Variants in SETX observed in about 807,000 individuals in gnomAD.
SETX encodes the protein helicase senataxin.
In SETX, 90 loss-of-function variants were observed where a neutral mutation model predicts 227.2. That is an observed-to-expected ratio of 0.40 (90% CI 0.33 to 0.47). SETX has a LOEUF of 0.47. SETX is among the 20% of genes least tolerant of loss of function. The probability of loss-of-function intolerance (pLI) is 0.91; values close to 1 mark genes in which losing one functional copy is unlikely to be tolerated. For missense variants in SETX, 3,052 were observed against 3,181.5 expected (o/e 0.96, Z 0.98); for synonymous variants, 1,210 against 1,113.2 (o/e 1.09, Z -1.73).
chr9:132,296,760 C>G (rs904278020), intron 14 of SETX, 127 bp downstream of exon 14: 11 of 893,146 alleles, frequency 1.2e-5, no homozygotes, highest in Non-Finnish European at 1.9e-5. Context: ...CAGTTACACA[C>G]AATATAAAAA....
At position 132,327,191 on chromosome 9, in the gene SETX, A is replaced by G; in HGVS notation, c.4407T>C (p.Asp1469=). 6.2e-7 allele frequency: 1 copy of G among 1,614,128 alleles called. No individual in the cohort carries two copies. Among genetic ancestry groups the G allele is most frequent in the African/African-American group, 1.3e-5 (1 of 75,012 alleles). ...STSEDPLGGG[D]PTARHIEMAA... is the part of the protein sequence containing the mutation. The stretch of plus-strand genomic sequence containing the variant: ...CCATCTCTATATGACGTGCTGTTGG[A>G]TCACCTCCACCCAGAGGGTCTTCTG... The change falls in exon 10 of 26, where the codon GAT becomes GAC. Residue 1469 remains aspartate (D), a synonymous_variant. Coordinates refer to ENST00000224140, the MANE Select transcript of SETX (RefSeq NM_015046.7).
At chr9:132,335,995 A>C (rs1182556763) in intron 6 of SETX, among the ~76,000 whole-genome samples, 1 of 152,176 alleles carries the variant, frequency 6.6e-6, no homozygotes. Flanking sequence ...TAATCCCAGC[A>C]CTTTAGGAGG....
intron 11 of SETX, 45 bp from the exon 12 acceptor site, chr9:132,300,848 TTATTTTAAA>T: frequency 6.6e-7 from 1 of 1,509,358 alleles, no homozygotes. Flanking sequence ...TCTAATAGAA[TTATTTTAAA>T]TAAGATTAAC....
intron 18 of SETX, among the ~76,000 whole-genome samples, chr9:132,285,034 A>G (rs1373577879): frequency 6.6e-6 from 1 of 151,974 alleles, no homozygotes; most frequent in Non-Finnish European, 1.5e-5. Flanking sequence ...GCCCACCACC[A>G]CGCCCAGCTA....
rs1342534294 is a variant in SETX, at chr9:132,342,584, T to G, written c.498+106A>C. 7.6e-6 allele frequency: 7 copies of G among 925,088 alleles called. No individual in the cohort carries two copies. The Admixed American group carries it at 1.0e-4, about 13-fold the overall frequency. 57.3% of individuals were successfully genotyped at this position (925,088 alleles called of 1,614,324 possible). A position where few individuals can be genotyped will look rare whatever the true frequency, so the allele number is the denominator to read the frequency against. Reference sequence around the variant, plus strand: ...GTAGTAAATTTTAAAGCAAGAAAAATTTTAGCAAACATTTTAAACAAAATC... The same window carrying G: ...GTAGTAAATTTTAAAGCAAGAAAAAGTTTAGCAAACATTTTAAACAAAATC... On this transcript the variant is annotated intron_variant, in intron 5 of 25. Coordinates refer to ENST00000224140, the MANE Select transcript of SETX (RefSeq NM_015046.7).
intron 22 of SETX, 108 bp from the exon 23 acceptor site, chr9:132,275,528 G>T: frequency 3.3e-6 from 3 of 905,576 alleles, no homozygotes; most frequent in Non-Finnish European, 5.1e-6. Flanking sequence ...AGGGCAGGCA[G>T]ATAGGCTTCA....
chr9:132,321,853 A>G (rs1411381169), intron 10 of SETX, among the ~76,000 whole-genome samples: 2 of 152,022 alleles, frequency 1.3e-5, no homozygotes, highest in African/African-American at 4.8e-5. Context: ...GTCTGAAGAA[A>G]AAAGAAAAAG....
chr9:132,345,644 TAAC>T (rs1199762506), intron 4 of SETX, among the ~76,000 whole-genome samples: 2 of 152,328 alleles, frequency 1.3e-5, no homozygotes, highest in South Asian at 2.1e-4. Flanking sequence ...AGCAAAATGT[TAAC>T]AACCGTATAA....
At chr9:132,320,453 G>A (rs560173698) in intron 10 of SETX, among the ~76,000 whole-genome samples, 5 of 152,130 alleles carry the variant, frequency 3.3e-5, no homozygotes, top group African/African-American at 9.6e-5. Context: ...GGTGCCGGAC[G>A]CCTGATGGCG....
At chr9:132,334,185 C>T (rs953128965) in intron 7 of SETX, among the ~76,000 whole-genome samples, 3 of 152,200 alleles carry the variant, frequency 2.0e-5, no homozygotes, top group Admixed American at 6.5e-5. Flanking sequence ...AAGTCTCATG[C>T]CTGTAATCCC....
At chr9:132,269,724 C>T in intron 24 of SETX, 22 bp from the exon 25 acceptor site, 1 of 1,611,016 alleles carries the variant, frequency 6.2e-7, no homozygotes, top group Non-Finnish European at 8.5e-7. Context: ...AAAAAGAGTT[C>T]CTTCTTTGTC....
intron 10 of SETX, among the ~76,000 whole-genome samples, chr9:132,315,069 C>A (rs990869094): frequency 2.0e-5 from 3 of 151,642 alleles, no homozygotes; most frequent in African/African-American, 7.3e-5. Context: ...CGTGCCACCA[C>A]GCCCGGCTAA....
chr9:132,301,620 C>A (rs368592087), intron 11 of SETX, among the ~76,000 whole-genome samples: 1 of 152,146 alleles, frequency 6.6e-6, no homozygotes, highest in Admixed American at 6.5e-5. Flanking sequence ...GTATTCAATA[C>A]GGTAACATGC....
At chr9:132,265,085 AT>A in intron 25 of SETX, 100 bp from the exon 26 acceptor site, 1 of 1,352,962 alleles carries the variant, frequency 7.4e-7, no homozygotes, top group Non-Finnish European at 1.0e-6. Flanking sequence ...AATACATATT[AT>A]TGTATGAACA....
At chr9:132,304,927 G>A (rs1845233445) in intron 11 of SETX, among the ~76,000 whole-genome samples, 1 of 151,906 alleles carries the variant, frequency 6.6e-6, no homozygotes, top group Non-Finnish European at 1.5e-5. Context: ...AAGCCAGGAG[G>A]CGGGATGCAG....
intron 22 of SETX, among the ~76,000 whole-genome samples, chr9:132,275,674 G>A (rs1273493278): frequency 6.6e-6 from 1 of 152,188 alleles, no homozygotes; most frequent in East Asian, 1.9e-4. Context: ...GTTGTAGAGA[G>A]AAAAGAGTTT....
intron 10 of SETX, among the ~76,000 whole-genome samples, chr9:132,313,843 A>G (rs1845810444): frequency 6.6e-6 from 1 of 151,660 alleles, no homozygotes; most frequent in Non-Finnish European, 1.5e-5. Flanking sequence ...AAAAAACAAT[A>G]AAAAGAAAAC....
chr9:132,300,547 C>T, intron 12 of SETX, 83 bp downstream of exon 12: 1 of 1,381,688 alleles, frequency 7.2e-7, no homozygotes, highest in Non-Finnish European at 1.0e-6. Flanking sequence ...CTATCAAATA[C>T]ACTTGATATA....
Position 132,331,494 on chromosome 9 carries a change from A to C in SETX, c.839-46T>G, listed in dbSNP as rs377476775. ...CGTTGAATTACTAAACAGTTAGAAA[A>C]ACATACTACAATATATTGAGAATTA... is the stretch of plus-strand genomic sequence containing the variant. On this transcript the variant is annotated intron_variant, in intron 7 of 25. Coordinates refer to ENST00000224140, the MANE Select transcript of SETX (RefSeq NM_015046.7). 69 of 1,576,498 alleles carry C rather than the reference A, an allele frequency of 4.4e-5. No individual in the cohort carries two copies. The African/African-American group carries it at 8.0e-4, about 18-fold the overall frequency.
Sources: gnomAD v4.1 joint callset for allele counts (sites outside exome capture counted in the v4.1 genomes callset) on GRCh38, gnomAD v4.1.1 for gene constraint, MANE v1.5 for transcripts, NCBI Gene and HGNC (gene_info 2026-07-23, HGNC 2026-07-21) for gene names.